Variants in ZNF670 observed in about 807,000 individuals in gnomAD.
ZNF670 encodes zinc finger protein 670.
Under a neutral mutation model 10.9 loss-of-function variants are expected in ZNF670, and 7 were observed. That is an observed-to-expected ratio of 0.64 (90% CI 0.36 to 1.20). ZNF670 has a LOEUF of 1.20. Ranked by LOEUF, ZNF670 falls within the 50% of genes most tolerant of loss-of-function variation. The probability of loss-of-function intolerance (pLI) is 0.02; values close to 1 mark genes in which losing one functional copy is unlikely to be tolerated. For synonymous variants in ZNF670, 136 were observed against 152.7 expected (o/e 0.89, Z 0.81); for missense variants, 446 against 458.6 (o/e 0.97, Z 0.25).
At chr1:247,057,855 G>A (rs1350084276) in intron 1 of ZNF670, among the ~76,000 whole-genome samples, 1 of 152,096 alleles carries the variant, frequency 6.6e-6, no homozygotes, top group African/African-American at 2.4e-5. Context: ...TGGAGGAGGT[G>A]GAGGGGATGT....
chr1:247,038,360 CCT>C lies in ZNF670; in HGVS notation c.257_258del (p.Gln86ArgfsTer8). ...TTCTTATTCAGATTCAAATTTGAAT[CCT>C]GGCTGAAGGTTTCTCCATATTGACT... ...EGSQYGETFS[Q>X]DSNLNLNKKV... On this transcript the variant is annotated frameshift_variant, in exon 4 of 4. Transcript: ENST00000366503. LOFTEE classifies it low-confidence loss of function (END_TRUNC). 1 of 1,614,028 alleles carries C rather than the reference CCT, an allele frequency of 6.2e-7. No homozygotes were observed. The highest frequency in any genetic ancestry group is 1.3e-5 in the African/African-American group (1 of 75,042).
chr1:247,046,075 G>A (rs1043158832), intron 1 of ZNF670, among the ~76,000 whole-genome samples: 7 of 152,184 alleles, frequency 4.6e-5, no homozygotes, highest in Admixed American at 6.5e-5. Flanking sequence ...TGGTATGGTC[G>A]CTTCTTTGCC....
intron 1 of ZNF670, among the ~76,000 whole-genome samples, chr1:247,072,853 T>TACACACACACACACAC (rs67112261): frequency 0.021 from 2,081 of 99,922 alleles, 68 homozygotes; most frequent in Non-Finnish European, 0.028. Context: ...TACACACACA[T>TACACACACACACACAC]ACACACACAC....
chr1:247,067,305 G>A (rs1216764607), intron 1 of ZNF670, among the ~76,000 whole-genome samples: 4 of 151,528 alleles, frequency 2.6e-5, no homozygotes, highest in East Asian at 1.9e-4. Context: ...GCATGGTGGC[G>A]GGTGCCTGTA....
intron 1 of ZNF670, among the ~76,000 whole-genome samples, chr1:247,040,165 T>C (rs1670271056): frequency 6.6e-6 from 1 of 152,210 alleles, no homozygotes; most frequent in African/African-American, 2.4e-5. Flanking sequence ...GCATTCTTGG[T>C]AAACAATATT....
intron 1 of ZNF670, among the ~76,000 whole-genome samples, chr1:247,074,431 T>C (rs72770309): frequency 0.037 from 5,643 of 152,074 alleles, 148 homozygotes; most frequent in Middle Eastern, 0.058. Context: ...CTCCTTCCTA[T>C]GAAAGAAAGC....
In ZNF670 at chr1:247,038,382, T is replaced by C. The variant is rs1670218577; in HGVS notation, c.237A>G (p.Gln79=). The change falls in exon 4 of 4, where the codon CAA becomes CAG. Residue 79 remains glutamine (Q), a synonymous_variant. Transcript: ENST00000366503. ...AATCCTGGCTGAAGGTTTCTCCATA[T>C]TGACTGCCTTCTTTAATTTCAAACA... is the stretch of plus-strand genomic sequence containing the variant. ...ERLFEIKEGS[Q]YGETFSQDSN... is the part of the protein sequence containing the mutation. The C allele has an allele frequency of 1.2e-6, 2 of 1,613,462 alleles. No individual in the cohort carries two copies. The highest frequency in any genetic ancestry group is 1.7e-6 in the Non-Finnish European group (2 of 1,179,840).
In ZNF670 at chr1:247,037,999, T is replaced by A. The variant is rs371336738; in HGVS notation, c.620A>T (p.Asn207Ile). 1 of 1,613,656 alleles carries A rather than the reference T, an allele frequency of 6.2e-7. No individual in the cohort carries two copies. Among genetic ancestry groups the A allele is most frequent in the Non-Finnish European group, 8.5e-7 (1 of 1,179,798 alleles). The change falls in exon 4 of 4, where the codon AAT becomes ATT. Residue 207 changes from asparagine to isoleucine, a missense_variant. Coordinates refer to ENST00000366503, the MANE Select transcript of ZNF670 (RefSeq NM_033213.5). Reference protein sequence around the residue: ...YKCKHCDKAFNYSSYLREHER... With the variant: ...YKCKHCDKAFIYSSYLREHER... ...ATGTTCACGAAGATAACTTGAATAATTGAAGGCTTTATCACAATGTTTACA... is the reference window on the plus strand; with the variant it reads ...ATGTTCACGAAGATAACTTGAATAAATGAAGGCTTTATCACAATGTTTACA...
chr1:247,067,684 T>C, intron 1 of ZNF670, among the ~76,000 whole-genome samples: 1 of 146,494 alleles, frequency 6.8e-6, no homozygotes, highest in East Asian at 2.1e-4. Context: ...CTACTAAAAA[T>C]ACAAAAAATT....
chr1:247,057,209 T>A (rs1011759234), intron 1 of ZNF670, among the ~76,000 whole-genome samples: 7 of 152,104 alleles, frequency 4.6e-5, no homozygotes, highest in African/African-American at 1.7e-4. Context: ...CAAAAATGTC[T>A]CAAAAGAAGA....
At chr1:247,039,670 T>G (rs1312975629) in intron 1 of ZNF670, 133 bp from the exon 2 acceptor site, 3 of 1,010,710 alleles carry the variant, frequency 3.0e-6, no homozygotes, top group Non-Finnish European at 4.0e-6. Context: ...TCATCAGAAC[T>G]TTACTCTCTG....
intron 1 of ZNF670, among the ~76,000 whole-genome samples, chr1:247,060,768 A>T (rs1186270278): frequency 2.0e-5 from 3 of 152,232 alleles, no homozygotes; most frequent in Non-Finnish European, 4.4e-5. Context: ...AAAAACATGT[A>T]AAAATAAAGT....
At chr1:247,074,039 TA>T (rs1054433040) in intron 1 of ZNF670, among the ~76,000 whole-genome samples, 2 of 152,260 alleles carry the variant, frequency 1.3e-5, no homozygotes. Context: ...ATATGCAAGT[TA>T]AAAAACAAAC....
rs1225338976 is a variant in ZNF670, at chr1:247,061,959, T to A, written c.3+16635A>T. ...CCTTCAGGAAAAGAGGCATTTTCTA[T>A]CCCTTTCAGACTACAGAGCTATCAT... On this transcript the variant is annotated intron_variant, in intron 1 of 3. Coordinates refer to ENST00000366503, the MANE Select transcript of ZNF670 (RefSeq NM_033213.5). 2.0e-5 allele frequency among the ~76,000 whole-genome samples: 3 copies of A among 152,192 alleles called. No individual in the cohort carries two copies. The East Asian group carries it at 5.8e-4, about 29-fold the overall frequency.
chr1:247,063,758 C>T (rs1474382735), intron 1 of ZNF670, among the ~76,000 whole-genome samples: 1 of 151,972 alleles, frequency 6.6e-6, no homozygotes, highest in Non-Finnish European at 1.5e-5. Context: ...CCACGGACCA[C>T]AACTACCCCT....
intron 1 of ZNF670, among the ~76,000 whole-genome samples, chr1:247,052,485 A>G (rs1670619703): frequency 6.6e-6 from 1 of 151,924 alleles, no homozygotes; most frequent in African/African-American, 2.4e-5. Flanking sequence ...GCTTCATTGG[A>G]TGTAGCAGGG....
Position 247,037,316 on chromosome 1 carries a change from A to G in ZNF670, c.*133T>C, listed in dbSNP as rs4317843. The G allele has an allele frequency of 0.027, 29,948 of 1,111,232 alleles. 522 individuals carry two copies. The highest frequency in any genetic ancestry group is 0.031 in the Non-Finnish European group (25,098 of 818,998). 68.8% of individuals were successfully genotyped at this position (1,111,232 alleles called of 1,614,324 possible). A position where few individuals can be genotyped will look rare whatever the true frequency, so the allele number is the denominator to read the frequency against. On this transcript the variant is annotated 3_prime_UTR_variant, in exon 4 of 4. Transcript: ENST00000366503. Reference sequence around the variant, plus strand: ...AACTAGGAAAATTGCATACATTCTAATCTTCCTTACATGTGTTGGGTTTCT... The same window carrying G: ...AACTAGGAAAATTGCATACATTCTAGTCTTCCTTACATGTGTTGGGTTTCT...
Position 247,035,199 on chromosome 1 carries a change from TCA to T in ZNF670, c.*2248_*2249del, listed in dbSNP as rs1670119951. On this transcript the variant is annotated 3_prime_UTR_variant, in exon 4 of 4. Coordinates refer to ENST00000366503, the MANE Select transcript of ZNF670 (RefSeq NM_033213.5). ...ATTCTGTTGGTAATGCCAATTGTTT[TCA>T]CAGTCTCATGGGTGACAGGAAAAAT... 6.6e-6 allele frequency among the ~76,000 whole-genome samples: 1 copy of T among 152,236 alleles called. No individual in the cohort carries two copies. Among genetic ancestry groups the T allele is most frequent in the Non-Finnish European group, 1.5e-5 (1 of 68,040 alleles).
intron 1 of ZNF670, among the ~76,000 whole-genome samples, chr1:247,061,031 T>A (rs1360523351): frequency 6.6e-6 from 1 of 152,160 alleles, no homozygotes; most frequent in Non-Finnish European, 1.5e-5. Flanking sequence ...TTGCAAACAA[T>A]GCACAAATCT....
Sources: allele counts gnomAD v4.1 joint callset (sites outside exome capture counted in the v4.1 genomes callset), GRCh38; gene constraint gnomAD v4.1.1; transcripts MANE v1.5; gene names NCBI Gene and HGNC (gene_info 2026-07-23, HGNC 2026-07-21).